Variants in SLC35F5 observed in about 807,000 individuals in gnomAD.
The protein encoded by SLC35F5 is HCV NS5A-transactivated protein 3.
A neutral mutation model predicts 68.6 loss-of-function variants in SLC35F5; 54 were observed. The observed-to-expected ratio is 0.79, with a 90% CI of 0.63 to 0.99. The LOEUF (loss-of-function observed/expected upper bound fraction) is 0.99. SLC35F5 is among the 50% of genes least tolerant of loss of function. The pLI, the probability that SLC35F5 is intolerant of heterozygous loss-of-function variation, is 0.00. For synonymous variants in SLC35F5, 211 were observed against 205.2 expected (o/e 1.03, Z -0.24); for missense variants, 567 against 626.9 (o/e 0.90, Z 1.02).
chr2:113,704,517 G>T (rs1686760528), downstream of SLC35F5, among the ~76,000 whole-genome samples: 1 of 152,216 alleles, frequency 6.6e-6, no homozygotes, highest in Non-Finnish European at 1.5e-5. Flanking sequence ...GAAGGCTCAG[G>T]CATGGCGGGC....
Position 113,755,288 on chromosome 2 carries a change from T to C in SLC35F5, c.150A>G (p.Val50=). The change falls in exon 3 of 16, where the codon GTA becomes GTG. Residue 50 remains valine, a synonymous_variant. Coordinates refer to ENST00000245680, the MANE Select transcript of SLC35F5 (RefSeq NM_025181.5). ...ALKTRLQMVC[V]FVMNRMNSQN... is the part of the protein sequence containing the mutation. Reference sequence around the variant, plus strand: ...GGGAATTCATTCGGTTCATGACAAATACACACACCATTTGCAGTCTGTTTT... The same window carrying C: ...GGGAATTCATTCGGTTCATGACAAACACACACACCATTTGCAGTCTGTTTT... The C allele has an allele frequency of 6.2e-7, 1 of 1,614,102 alleles. No homozygotes were observed.
chr2:113,732,833 G>A (rs752276102), intron 9 of SLC35F5, among the ~76,000 whole-genome samples: 24 of 152,010 alleles, frequency 1.6e-4, no homozygotes, highest in African/African-American at 9.7e-5. Flanking sequence ...ATATACAGAC[G>A]AGAAAATTGG....
chr2:113,746,251 T>C (rs772742234), intron 5 of SLC35F5, 26 bp downstream of exon 5: 1 of 1,597,528 alleles, frequency 6.3e-7, no homozygotes, highest in East Asian at 2.2e-5. Context: ...CACCTCTCTA[T>C]TCCTGACAAG....
chr2:113,742,912 A>G, intron 6 of SLC35F5, 33 bp from the exon 7 acceptor site: 2 of 1,570,860 alleles, frequency 1.3e-6, no homozygotes, highest in Non-Finnish European at 1.7e-6. Context: ...GAAATAATTA[A>G]ATAATTCCTC....
Position 113,707,624 on chromosome 2 carries a change from A to G in SLC35F5, c.*7594T>C, listed in dbSNP as rs1686834372. The stretch of plus-strand genomic sequence containing the variant: ...ACCCAGGCTGGAGTGCAGTGGTGTG[A>G]TCTCAGCTCACTGCAACCTCTGCCT... On this transcript the variant is annotated 3_prime_UTR_variant, in exon 16 of 16. Transcript: ENST00000245680. Among the ~76,000 whole-genome samples the G allele has an allele frequency of 6.6e-6, 1 of 152,084 alleles. No homozygotes were observed. Among genetic ancestry groups the G allele is most frequent in the Non-Finnish European group, 1.5e-5 (1 of 68,022 alleles).
rs1004897541 is a variant in SLC35F5 at position 113,723,199 on chromosome 2, A to G, written c.1251-5T>C. On this transcript the variant is annotated splice_polypyrimidine_tract_variant and splice_region_variant and intron_variant, in intron 12 of 15. Coordinates refer to ENST00000245680, the MANE Select transcript of SLC35F5 (RefSeq NM_025181.5). The stretch of plus-strand genomic sequence containing the variant: ...GATGAGGTAAGAAAGCAGCCCCTAA[A>G]AAAAAGAAAATATACATTTCTATAT... The G allele has an allele frequency of 2.6e-6, 4 of 1,566,236 alleles. No homozygotes were observed. Among genetic ancestry groups the G allele is most frequent in the Non-Finnish European group, 3.4e-6 (4 of 1,160,162 alleles).
Position 113,723,132 on chromosome 2 carries a change from G to A in SLC35F5, c.1313C>T (p.Ser438Phe). 3 of 1,582,730 alleles carry A rather than the reference G, an allele frequency of 1.9e-6. No individual in the cohort carries two copies. The East Asian group carries it at 6.9e-5, about 36-fold the overall frequency. The change falls in exon 13 of 16, where the codon TCC (serine) becomes TTC (phenylalanine). Residue 438 changes from serine (S) to phenylalanine (F), a missense_variant. By Grantham distance (155) the Ser-to-Phe change is radical. Coordinates refer to ENST00000245680, the MANE Select transcript of SLC35F5 (RefSeq NM_025181.5). ...TLALSLTIPLSIIADMCMQKV... is the reference protein window; with the variant it reads ...TLALSLTIPLFIIADMCMQKV... ...TTGCATACACATGTCAGCTATTATG[G>A]ACAGAGGTATTGTAAGGCTTAGTGC... is the stretch of plus-strand genomic sequence containing the variant.
intron 1 of SLC35F5, 140 bp downstream of exon 1, chr2:113,756,230 G>T (rs899127219): frequency 4.6e-6 from 7 of 1,522,130 alleles, no homozygotes; most frequent in South Asian, 1.2e-5. Flanking sequence ...GTCAGCTCCC[G>T]CTCCCTCCGC....
At chr2:113,704,757 G>A (rs1318803922), downstream of SLC35F5, among the ~76,000 whole-genome samples, 1 of 151,946 alleles carries the variant, frequency 6.6e-6, no homozygotes, top group Non-Finnish European at 1.5e-5. Context: ...CAAGCACCGC[G>A]CGCAGCCCCT....
At chr2:113,718,967 GA>G (rs1687316916) in intron 14 of SLC35F5, among the ~76,000 whole-genome samples, 186 bp downstream of exon 14, 1 of 151,668 alleles carries the variant, frequency 6.6e-6, no homozygotes. Flanking sequence ...AAGAAAGAAA[GA>G]AAGGAGAAAG....
chr2:113,749,077 G>A (rs1035830110), intron 4 of SLC35F5, among the ~76,000 whole-genome samples: 4 of 152,152 alleles, frequency 2.6e-5, no homozygotes, highest in African/African-American at 4.8e-5. Context: ...GCTGGGATAA[G>A]AGGCATGAGC....
At chr2:113,716,990 G>A (rs1294649659) in intron 15 of SLC35F5, among the ~76,000 whole-genome samples, 2 of 152,186 alleles carry the variant, frequency 1.3e-5, no homozygotes, top group Admixed American at 1.3e-4. Flanking sequence ...AAACTCAGTA[G>A]CAATCAAGAA....
Position 113,719,240 on chromosome 2 carries a change from G to C in SLC35F5, c.1410C>G (p.Leu470=). Residue 470 remains leucine, a synonymous_variant, in exon 14 of 16, where the codon CTC becomes CTG. Coordinates refer to ENST00000245680, the MANE Select transcript of SLC35F5 (RefSeq NM_025181.5). ...GATCCCAATTATTATAATGGCATAG[G>C]AGAGTTACAATAAAAAATGAAAAAA... ...PVFFSFFIVT[L]LCHYNNWDPV... The C allele has an allele frequency of 6.2e-7, 1 of 1,602,434 alleles. No homozygotes were observed. Among genetic ancestry groups the C allele is most frequent in the African/African-American group, 1.3e-5 (1 of 74,358 alleles).
chr2:113,745,708 G>A (rs1676457363), intron 5 of SLC35F5, among the ~76,000 whole-genome samples: 1 of 151,530 alleles, frequency 6.6e-6, no homozygotes, highest in South Asian at 2.1e-4. Context: ...AAAAAGAGAT[G>A]CCTGAGTGAT....
intron 9 of SLC35F5, 109 bp downstream of exon 9, chr2:113,734,477 T>A: frequency 1.5e-6 from 1 of 647,400 alleles, no homozygotes; most frequent in African/African-American, 1.8e-5. Context: ...CCTTCTTTTA[T>A]CCACATCTTT....
At position 113,713,668 on chromosome 2, in the gene SLC35F5, A is replaced by C. The variant is rs960669306; in HGVS notation, c.*1550T>G. 1.3e-5 allele frequency: 2 copies of C among 152,026 alleles called. No individual in the cohort carries two copies. The highest frequency in any genetic ancestry group is 2.9e-5 in the Non-Finnish European group (2 of 68,012). 9.4% of individuals were successfully genotyped at this position (152,026 alleles called of 1,614,324 possible). A position where few individuals can be genotyped will look rare whatever the true frequency, so the allele number is the denominator to read the frequency against. On this transcript the variant is annotated 3_prime_UTR_variant, in exon 16 of 16. Transcript: ENST00000245680. ...AGCTAAACAGGTCAAAAGTATAATA[A>C]ACTCAACATTATTTTTAACTTGCGT...
At chr2:113,743,928 T>G in intron 5 of SLC35F5, 134 bp from the exon 6 acceptor site, 2 of 570,226 alleles carry the variant, frequency 3.5e-6, no homozygotes, top group Non-Finnish European at 5.9e-6. Flanking sequence ...AACAGCAATT[T>G]TCAAGACTTA....
intron 9 of SLC35F5, among the ~76,000 whole-genome samples, chr2:113,733,677 C>T (rs1025571519): frequency 6.6e-6 from 1 of 152,182 alleles, no homozygotes; most frequent in Non-Finnish European, 1.5e-5. Flanking sequence ...TTAAGAGCTA[C>T]CAGTTTTCTA....
Position 113,756,642 on chromosome 2 carries a change from T to G in SLC35F5, c.-233A>C. 6 of 1,186,164 alleles carry G rather than the reference T, an allele frequency of 5.1e-6. No homozygotes were observed. The highest frequency in any genetic ancestry group is 6.7e-6 in the Non-Finnish European group (6 of 896,694). The allele number at this position is 1,186,164 out of a possible 1,614,324, so 73.5% of individuals were successfully genotyped here. ...CTATGGCCGCGGAGGCCCGGAGATC[T>G]GCTCTGGCCCCGGCCCCGCCCCCGG... On this transcript the variant is annotated 5_prime_UTR_variant, in exon 1 of 16. Transcript: ENST00000245680.
Sources: allele counts gnomAD v4.1 joint callset (sites outside exome capture counted in the v4.1 genomes callset), GRCh38; gene constraint gnomAD v4.1.1; transcripts MANE v1.5; gene names NCBI Gene and HGNC (gene_info 2026-07-23, HGNC 2026-07-21).